The following MACF1 variants were observed in gnomAD, a reference collection of about 807,000 sequenced individuals.
The protein encoded by MACF1 is microtubule-actin cross-linking factor 1.
In MACF1, 193 loss-of-function variants were observed where a neutral mutation model predicts 854.8. The observed-to-expected ratio is 0.23, with a 90% CI of 0.20 to 0.25. MACF1 has a LOEUF of 0.25. MACF1 is among the 10% of genes least tolerant of loss of function. The pLI, the probability that MACF1 is intolerant of heterozygous loss-of-function variation, is 1.00. For missense variants in MACF1, 7,722 were observed against 8,929.1 expected (o/e 0.86, Z 5.45); for synonymous variants, 3,185 against 3,226.7 (o/e 0.99, Z 0.44).
At chr1:39,223,630 T>G (rs1173269695) in intron 1 of MACF1, among the ~76,000 whole-genome samples, 1 of 152,116 alleles carries the variant, frequency 6.6e-6, no homozygotes, top group Non-Finnish European at 1.5e-5. Flanking sequence ...TCCTCGTGCC[T>G]TGGCCAACCA....
At chr1:39,257,177 T>C (rs1247252696) in intron 5 of MACF1, among the ~76,000 whole-genome samples, 1 of 152,224 alleles carries the variant, frequency 6.6e-6, no homozygotes, top group African/African-American at 2.4e-5. Context: ...GATGGATGAA[T>C]GGGTGAACAA....
intron 65 of MACF1, 85 bp downstream of exon 65, chr1:39,430,153 T>C (rs887352177): frequency 6.8e-5 from 98 of 1,445,454 alleles, no homozygotes; most frequent in Non-Finnish European, 2.2e-5. Flanking sequence ...ACCTTAAATA[T>C]AAACTAAAAA....
At chr1:39,235,309 G>C (rs981944373) in intron 2 of MACF1, among the ~76,000 whole-genome samples, 1 of 152,256 alleles carries the variant, frequency 6.6e-6, no homozygotes, top group Non-Finnish European at 1.5e-5. Context: ...CTGGAGACTG[G>C]CCTGGCCAAC....
intron 2 of MACF1, among the ~76,000 whole-genome samples, chr1:39,166,229 G>C (rs777537346): frequency 1.5e-4 from 22 of 151,700 alleles, no homozygotes; most frequent in Non-Finnish European, 2.5e-4. Flanking sequence ...CACCATGCTG[G>C]TCTAATTTTT....
At chr1:39,432,734 C>G (rs1643895704) in intron 67 of MACF1, 80 bp downstream of exon 67, 13 of 1,386,936 alleles carry the variant, frequency 9.4e-6, no homozygotes, top group South Asian at 2.9e-5. Context: ...TATCCCATGT[C>G]AAGTGGAATA....
intron 2 of MACF1, among the ~76,000 whole-genome samples, chr1:39,109,524 C>A (rs192949630): frequency 6.6e-6 from 1 of 152,194 alleles, no homozygotes; most frequent in East Asian, 1.9e-4. Flanking sequence ...GTCTGCCTGC[C>A]TCAGCCTCCC....
intron 65 of MACF1, among the ~76,000 whole-genome samples, chr1:39,430,457 T>G (rs1643861133): frequency 6.6e-6 from 1 of 152,094 alleles, no homozygotes; most frequent in Non-Finnish European, 1.5e-5. Context: ...GAAAGAAGTA[T>G]TAGTTGTTTT....
intron 2 of MACF1, among the ~76,000 whole-genome samples, chr1:39,122,062 A>G (rs1642728655): frequency 6.6e-6 from 1 of 152,128 alleles, no homozygotes; most frequent in South Asian, 2.1e-4. Context: ...AGACAGCCCC[A>G]TGGAGCAGTG....
chr1:39,346,922 G>A, intron 40 of MACF1, 55 bp from the exon 41 acceptor site: 1 of 1,146,578 alleles, frequency 8.7e-7, no homozygotes, highest in Non-Finnish European at 1.3e-6. Context: ...CATGAACTGA[G>A]AAATGGAAGT....
In MACF1 at chr1:39,441,204, A is replaced by G. The variant is rs778631552; in HGVS notation, c.18571-20A>G. The G allele has an allele frequency of 2.9e-5, 46 of 1,613,630 alleles. No homozygotes were observed. The highest frequency in any genetic ancestry group is 3.8e-5 in the Non-Finnish European group (45 of 1,179,728). On this transcript the variant is annotated intron_variant, in intron 73 of 100. Transcript: ENST00000564288. ...AGAGTGGTATTGATTGAAGAATCTG[A>G]TTGAATGTTTTTCCCCTAGATGAAT... is the stretch of plus-strand genomic sequence containing the variant.
intron 58 of MACF1, among the ~76,000 whole-genome samples, chr1:39,406,756 A>AAAAAAAAACAC (rs746955922): frequency 8.6e-6 from 1 of 116,058 alleles, no homozygotes; most frequent in African/African-American, 3.8e-5. Flanking sequence ...AAAAAAAAAA[A>AAAAAAAAACAC]AACATTCTTT....
intron 2 of MACF1, among the ~76,000 whole-genome samples, chr1:39,247,190 A>T (rs1459242413): frequency 6.8e-6 from 1 of 146,554 alleles, no homozygotes; most frequent in African/African-American, 2.5e-5. Context: ...CTCCTGCCTC[A>T]GCCTCCCGTG....
chr1:39,315,724 A>G (rs777349253), intron 27 of MACF1, 33 bp downstream of exon 27: 2 of 1,599,468 alleles, frequency 1.3e-6, no homozygotes, highest in African/African-American at 1.3e-5. Context: ...TCCAAGAGCA[A>G]TATTTTCCAT....
chr1:39,197,801 G>A (rs1644338940), intron 2 of MACF1, among the ~76,000 whole-genome samples: 1 of 152,162 alleles, frequency 6.6e-6, no homozygotes, highest in Admixed American at 6.5e-5. Context: ...CAGGAGGATT[G>A]CTTGAGCCTA....
At chr1:39,454,730 G>A (rs566410697) in intron 88 of MACF1, among the ~76,000 whole-genome samples, 179 bp from the exon 89 acceptor site, 5 of 152,282 alleles carry the variant, frequency 3.3e-5, no homozygotes, top group Admixed American at 1.3e-4. Context: ...AACCCGGGAG[G>A]CAGAGGTTGC....
chr1:39,269,953 G>A (rs546733527), intron 6 of MACF1, among the ~76,000 whole-genome samples: 2 of 152,172 alleles, frequency 1.3e-5, no homozygotes, highest in Non-Finnish European at 2.9e-5. Context: ...GCCAAGTGGC[G>A]TAATTGCTCA....
chr1:39,350,665 T>C, intron 42 of MACF1, 120 bp from the exon 43 acceptor site: 1 of 634,140 alleles, frequency 1.6e-6, no homozygotes, highest in East Asian at 2.8e-5. Context: ...CTGAAGCAAA[T>C]TGTAGTTAGG....
chr1:39,439,167 A>T (rs548254054), intron 71 of MACF1, 107 bp from the exon 72 acceptor site: 32 of 571,680 alleles, frequency 5.6e-5, no homozygotes, highest in African/African-American at 9.4e-5. Context: ...GCATTTTTTT[A>T]AAAAATAGTT....
At position 39,336,498 on chromosome 1, in the gene MACF1, A is replaced by G. The variant is rs183154806; in HGVS notation, c.9910A>G (p.Thr3304Ala). Residue 3304 changes from threonine to alanine, a missense_variant, in exon 37 of 101, where the codon ACA becomes GCA. By Grantham distance (58) the Thr-to-Ala change is moderately conservative. Coordinates refer to ENST00000564288, the MANE Select transcript of MACF1 (RefSeq NM_001394062.1). ...PTVLETSEEK[T>A]VSLTVCSAVK... is the part of the protein sequence containing the mutation. ...TGTTCTAGAGACCAGTGAAGAAAAG[A>G]CAGTGTCCCTAACAGTATGCTCTGC... 1.2e-6 allele frequency: 2 copies of G among 1,614,208 alleles called. No homozygotes were observed. The highest frequency in any genetic ancestry group is 1.7e-6 in the Non-Finnish European group (2 of 1,180,024).
Sources: allele counts gnomAD v4.1 joint callset (sites outside exome capture counted in the v4.1 genomes callset), GRCh38; gene constraint gnomAD v4.1.1; transcripts MANE v1.5; gene names NCBI Gene and HGNC (gene_info 2026-07-23, HGNC 2026-07-21).